The following MAST3 variants were observed in gnomAD, a reference collection of about 807,000 sequenced individuals.
MAST3 encodes the protein microtubule-associated serine/threonine-protein kinase 3.
In MAST3, 43 loss-of-function variants were observed where a neutral mutation model predicts 127.0. That is an observed-to-expected ratio of 0.34 (90% CI 0.27 to 0.44). The LOEUF (loss-of-function observed/expected upper bound fraction) is 0.44. Among genes scored for constraint, MAST3 ranks in the 20% least tolerant of loss-of-function variants. The pLI, the probability that MAST3 is intolerant of heterozygous loss-of-function variation, is 1.00. For missense variants in MAST3, 1,390 were observed against 1,919.1 expected (o/e 0.72, Z 5.15); for synonymous variants, 785 against 809.2 (o/e 0.97, Z 0.51).
intron 15 of MAST3, 21 bp downstream of exon 15, chr19:18,132,068 C>G (rs181605561): frequency 1.2e-6 from 2 of 1,612,816 alleles, no homozygotes; most frequent in Non-Finnish European, 1.7e-6. Flanking sequence ...CTAGCATGAG[C>G]GGGGCCTCGC....
chr19:18,135,254 CAGG>C (rs2041773746), intron 17 of MAST3, among the ~76,000 whole-genome samples: 1 of 152,110 alleles, frequency 6.6e-6, no homozygotes, highest in East Asian at 1.9e-4. Flanking sequence ...CATATAAGGT[CAGG>C]AGTTTAAGAC....
In MAST3 at chr19:18,130,510, C is replaced by T. The variant is rs1180483657; in HGVS notation, c.1240C>T (p.Arg414Trp). Reference sequence around the variant, plus strand: ...TGTCCCCAGGGCCGTCTACCTGGTGCGGCACCGTGACACACGGCAGCGCTT... The same window carrying T: ...TGTCCCCAGGGCCGTCTACCTGGTGTGGCACCGTGACACACGGCAGCGCTT... ...NGAYGAVYLV[R>W]HRDTRQRFAI... The change falls in exon 14 of 28, where the codon CGG becomes TGG. Residue 414 changes from arginine to tryptophan, a missense_variant. Around this residue, in one of 5 missense-constraint regions of MAST3, gnomAD observed 277 missense variants for 384.8 expected, o/e 0.72. Transcript: ENST00000687212. 2.5e-6 allele frequency: 4 copies of T among 1,603,508 alleles called. No individual in the cohort carries two copies. Among genetic ancestry groups the T allele is most frequent in the East Asian group, 4.5e-5 (2 of 44,476 alleles).
intron 11 of MAST3, among the ~76,000 whole-genome samples, chr19:18,126,941 C>T (rs1261519534): frequency 2.6e-5 from 4 of 151,738 alleles, no homozygotes; most frequent in East Asian, 4.0e-4. Context: ...CCACCACGCC[C>T]GGCTAATTTT....
intron 3 of MAST3, chr19:18,118,067 C>G (rs2039503030): frequency 1.0e-6 from 1 of 984,110 alleles, no homozygotes; most frequent in South Asian, 4.7e-5. Context: ...CCGTGCGCCC[C>G]CCTCCCTGTC....
chr19:18,145,754 C>T lies in MAST3; in HGVS notation c.3051C>T (p.Asp1017=), dbSNP rs369259350. Reference sequence around the variant, plus strand: ...TCGTCTGCCCCCAGAGTGTGGAGGACGGAAGCCCCGCCCAGGAGGCGGGCC... The same window carrying T: ...TCGTCTGCCCCCAGAGTGTGGAGGATGGAAGCCCCGCCCAGGAGGCGGGCC... ...TVHHVVWSVE[D]GSPAQEAGLR... Residue 1017 remains aspartate, a synonymous_variant, in exon 25 of 28, where the codon GAC becomes GAT. Transcript: ENST00000687212. The surrounding 1 kb of genome is among the most constrained non-coding windows in gnomAD (Gnocchi z 5.9). 23 of 1,590,236 alleles carry T rather than the reference C, an allele frequency of 1.4e-5. No homozygotes were observed. Among genetic ancestry groups the T allele is most frequent in the South Asian group, 3.4e-5 (3 of 88,432 alleles).
chr19:18,133,443 A>G (rs1409004621), intron 15 of MAST3, among the ~76,000 whole-genome samples: 2 of 151,832 alleles, frequency 1.3e-5, no homozygotes, highest in African/African-American at 4.8e-5. Flanking sequence ...ACAGTGGCGC[A>G]GTCTTGGCTC....
In MAST3 at chr19:18,122,770, T is replaced by A; in HGVS notation, c.399+19T>A. On this transcript the variant is annotated intron_variant, in intron 6 of 27. Coordinates refer to ENST00000687212, the MANE Select transcript of MAST3 (RefSeq NM_001393504.1). ...CCTCTCGGTACCCATAGCCCCACCT[T>A]GGCAGGTGGACAGGCAGATGCCGGG... 3 of 1,610,178 alleles carry A rather than the reference T, an allele frequency of 1.9e-6. No individual in the cohort carries two copies. Among genetic ancestry groups the A allele is most frequent in the Non-Finnish European group, 2.5e-6 (3 of 1,177,886 alleles).
chr19:18,149,130 C>T lies in MAST3; in HGVS notation c.3509-61C>T. On this transcript the variant is annotated intron_variant, in intron 27 of 27. Coordinates refer to ENST00000687212, the MANE Select transcript of MAST3 (RefSeq NM_001393504.1). The surrounding 1 kb of genome is among the most constrained non-coding windows in gnomAD (Gnocchi z 5.9). ...TTAGCAGTTTTTGTCAGTCCCACAGCTCCACTTCTGGGCTGGGGACATTGA... is the reference window on the plus strand; with the variant it reads ...TTAGCAGTTTTTGTCAGTCCCACAGTTCCACTTCTGGGCTGGGGACATTGA... The T allele has an allele frequency of 1.4e-6, 2 of 1,413,484 alleles. No homozygotes were observed. The highest frequency in any genetic ancestry group is 1.8e-6 in the Non-Finnish European group (2 of 1,084,154). 87.6% of individuals were successfully genotyped at this position (1,413,484 alleles called of 1,614,324 possible).
chr19:18,105,345 G>C (rs893998375), intron 1 of MAST3, among the ~76,000 whole-genome samples: 2 of 151,098 alleles, frequency 1.3e-5, no homozygotes, highest in East Asian at 3.9e-4. Context: ...CCAGCCTGGC[G>C]ATACAGTGAG....
In MAST3 at chr19:18,149,988, T is replaced by A; in HGVS notation, c.*262T>A. ...ACTAATTTATTACTTTTTTTTTCTT[T>A]TTTTTTTTTTTTTTTTGAGACAGAG... is the stretch of plus-strand genomic sequence containing the variant. On this transcript the variant is annotated 3_prime_UTR_variant, in exon 28 of 28. Transcript: ENST00000687212. The surrounding 1 kb of genome is among the most constrained non-coding windows in gnomAD (Gnocchi z 5.9). 1 of 216,428 alleles carries A rather than the reference T, an allele frequency of 4.6e-6. No homozygotes were observed. Among genetic ancestry groups the A allele is most frequent in the Non-Finnish European group, 8.8e-6 (1 of 114,192 alleles). The allele number at this position is 216,428 out of a possible 1,614,324, so 13.4% of individuals were successfully genotyped here.
chr19:18,100,134 T>TG lies in MAST3; in HGVS notation c.39+2303_39+2304insG, dbSNP rs1464161726. 3.4e-5 allele frequency among the ~76,000 whole-genome samples: 5 copies of TG among 147,794 alleles called. No homozygotes were observed. The East Asian group carries it at 9.9e-4, about 29-fold the overall frequency. On this transcript the variant is annotated intron_variant, in intron 1 of 27. Transcript: ENST00000687212. Reference sequence around the variant, plus strand: ...AGGATCTCTCTCTCTCTCTCTTTTTTTTTTTTTTGAGAAAGAATCATGCTC... The same window carrying TG: ...AGGATCTCTCTCTCTCTCTCTTTTTTGTTTTTTTTGAGAAAGAATCATGCTC...
At chr19:18,098,790 G>A (rs1175348400) in intron 1 of MAST3, 1 of 456,710 alleles carries the variant, frequency 2.2e-6, no homozygotes, top group Non-Finnish European at 4.4e-6. Flanking sequence ...CTGTGTGCCT[G>A]GCTCTGGAGA....
Position 18,144,950 on chromosome 19 carries a change from C to A in MAST3, c.2813-53C>A. ...GGTCGTTGTGGTGGGAAAGAGGGGG[C>A]CCCAGGGGAGACCTGTGAGGGAGTG... On this transcript the variant is annotated intron_variant, in intron 23 of 27. Transcript: ENST00000687212. The surrounding 1 kb of genome is among the most constrained non-coding windows in gnomAD (Gnocchi z 4.0). The A allele has an allele frequency of 1.9e-6, 2 of 1,055,466 alleles. No homozygotes were observed. Among genetic ancestry groups the A allele is most frequent in the Non-Finnish European group, 2.9e-6 (2 of 699,516 alleles). 65.4% of individuals were successfully genotyped at this position (1,055,466 alleles called of 1,614,324 possible).
rs1317130615 is a variant in MAST3, at chr19:18,145,297, C to T, written c.3039+68C>T. The T allele has an allele frequency of 1.4e-6, 2 of 1,477,630 alleles. No individual in the cohort carries two copies. Among genetic ancestry groups the T allele is most frequent in the Non-Finnish European group, 1.9e-6 (2 of 1,061,686 alleles). 91.5% of individuals were successfully genotyped at this position (1,477,630 alleles called of 1,614,324 possible). A position where few individuals can be genotyped will look rare whatever the true frequency, so the allele number is the denominator to read the frequency against. Reference sequence around the variant, plus strand: ...GACTCTGCCCGGTCATGTCCCTTCTCAGAGCTGCATTTTGGAGCCTGGCAG... The same window carrying T: ...GACTCTGCCCGGTCATGTCCCTTCTTAGAGCTGCATTTTGGAGCCTGGCAG... On this transcript the variant is annotated intron_variant, in intron 24 of 27. Transcript: ENST00000687212. The surrounding 1 kb of genome is among the most constrained non-coding windows in gnomAD (Gnocchi z 5.9).
At chr19:18,140,961 T>A (rs941929792) in intron 20 of MAST3, among the ~76,000 whole-genome samples, 3 of 151,702 alleles carry the variant, frequency 2.0e-5, no homozygotes, top group Non-Finnish European at 4.4e-5. Flanking sequence ...ACCCGGCTAA[T>A]TTTTGTATTT....
chr19:18,140,727 A>G lies in MAST3; in HGVS notation c.2206-1155A>G, dbSNP rs575363621. Among the ~76,000 whole-genome samples the G allele has an allele frequency of 6.4e-4, 98 of 152,118 alleles. 1 individual carries two copies. Among genetic ancestry groups the G allele is most frequent in the African/African-American group, 2.2e-3 (93 of 41,494 alleles). On this transcript the variant is annotated intron_variant, in intron 20 of 27. Coordinates refer to ENST00000687212, the MANE Select transcript of MAST3 (RefSeq NM_001393504.1). ...TATGGATGGAACACATTGTTTATCC[A>G]CCCATCTTTGATGCACATTTGGGTC...
chr19:18,103,537 G>GAAAA (rs909645424), intron 1 of MAST3, among the ~76,000 whole-genome samples: 3 of 152,008 alleles, frequency 2.0e-5, no homozygotes, highest in African/African-American at 7.3e-5. Context: ...GTCTCCATCT[G>GAAAA]AAAACAAACA....
rs2038446748 is a variant in MAST3 at position 18,110,354 on chromosome 19, C to CGCT, written c.72-296_72-294dup. 1 of 985,554 alleles carries CGCT rather than the reference C, an allele frequency of 1.0e-6. No homozygotes were observed. Among genetic ancestry groups the CGCT allele is most frequent in the African/African-American group, 1.7e-5 (1 of 57,370 alleles). The allele number at this position is 985,554 out of a possible 1,614,324, so 61.1% of individuals were successfully genotyped here. ...CGCAGGGACAAGCTGCACATCCCGGCGCTGACCCTCGAGTGAGTGTTGGGC... is the reference window on the plus strand; with the variant it reads ...CGCAGGGACAAGCTGCACATCCCGGCGCTGCTGACCCTCGAGTGAGTGTTGGGC... On this transcript the variant is annotated intron_variant, in intron 2 of 27. Transcript: ENST00000687212. The surrounding 1 kb of genome is among the most constrained non-coding windows in gnomAD (Gnocchi z 4.3).
intron 5 of MAST3, 66 bp from the exon 6 acceptor site, chr19:18,122,607 G>A (rs1318510634): frequency 1.5e-6 from 2 of 1,375,104 alleles, no homozygotes; most frequent in South Asian, 2.4e-5. Context: ...CACAGTGTCT[G>A]TTCTTAGTCC....
Sources: allele counts gnomAD v4.1 joint callset (sites outside exome capture counted in the v4.1 genomes callset), GRCh38; gene constraint gnomAD v4.1.1; regional missense constraint gnomAD v4.1.1; non-coding constraint Gnocchi (gnomAD v3.1); transcripts MANE v1.5; gene names NCBI Gene and HGNC (gene_info 2026-07-23, HGNC 2026-07-21).